The following SHROOM2 variants were observed in gnomAD, a reference collection of about 807,000 sequenced individuals.
The protein encoded by SHROOM2 is shroom family member 2, also known as protein Shroom2.
A neutral mutation model predicts 75.9 loss-of-function variants in SHROOM2; 33 were observed. That is an observed-to-expected ratio of 0.43 (90% CI 0.33 to 0.58). SHROOM2 has a LOEUF of 0.58. Among genes scored for constraint, SHROOM2 ranks in the 20% least tolerant of loss-of-function variants. The pLI, the probability that SHROOM2 is intolerant of heterozygous loss-of-function variation, is 0.04. For synonymous variants in SHROOM2, 655 were observed against 663.6 expected, an observed-to-expected ratio of 0.99 and a Z score of 0.20; for missense variants, 1,434 against 1,461.2, an observed-to-expected ratio of 0.98 and a Z score of 0.30.
rs145458840 is a variant in SHROOM2, at chrX:9,906,313, G to A, written c.2891+8023G>A. Among the ~76,000 whole-genome samples, 860 of 111,674 alleles carry A rather than the reference G, an allele frequency of 7.7e-3. 6 individuals are homozygous for A. Among genetic ancestry groups the A allele is most frequent in the African/African-American group, 0.027 (817 of 30,709 alleles). ...AGTGAGGGAGAGACTGTTCATGGGCGTGGGGTTTCTTTCTGGAGTAATGAA... is the reference window on the plus strand; with the variant it reads ...AGTGAGGGAGAGACTGTTCATGGGCATGGGGTTTCTTTCTGGAGTAATGAA... On this transcript the variant is annotated intron_variant, in intron 5 of 9. Coordinates refer to ENST00000380913, the MANE Select transcript of SHROOM2 (RefSeq NM_001649.4).
intron 1 of SHROOM2, among the ~76,000 whole-genome samples, chrX:9,799,442 A>T (rs1213439900): frequency 1.8e-5 from 2 of 111,115 alleles, no homozygotes; most frequent in African/African-American, 6.6e-5. Context: ...CTGGGATTAC[A>T]GGTGTGAGCC....
intron 1 of SHROOM2, among the ~76,000 whole-genome samples, chrX:9,806,149 C>G (rs2083750397): frequency 9.1e-6 from 1 of 110,171 alleles, no homozygotes; most frequent in Admixed American, 9.8e-5. Flanking sequence ...TTTTGAGCCT[C>G]CTAGCCTGTG....
chrX:9,881,920 G>A (rs981676034), intron 2 of SHROOM2, among the ~76,000 whole-genome samples: 2 of 112,092 alleles, frequency 1.8e-5, no homozygotes, highest in East Asian at 5.5e-4. Flanking sequence ...GAGTAACCAT[G>A]GGCTCTGGGA....
intron 5 of SHROOM2, among the ~76,000 whole-genome samples, chrX:9,915,212 G>C (rs1185970332): frequency 9.0e-6 from 1 of 111,584 alleles, no homozygotes; most frequent in Non-Finnish European, 1.9e-5. Context: ...TCCAGCTGTA[G>C]TCATTTTTGG....
chrX:9,849,561 T>C (rs1266332303), intron 1 of SHROOM2, among the ~76,000 whole-genome samples: 1 of 111,396 alleles, frequency 9.0e-6, no homozygotes, highest in Admixed American at 9.5e-5. Context: ...TCCATCCCTC[T>C]GGGGTGATGG....
intron 3 of SHROOM2, among the ~76,000 whole-genome samples, chrX:9,892,428 ACAAAAAGC>A (rs2084299653): frequency 9.0e-6 from 1 of 111,013 alleles, no homozygotes; most frequent in Non-Finnish European, 1.9e-5. Flanking sequence ...ACACAAAAAA[ACAAAAAGC>A]CACAGATTCT....
chrX:9,895,273 C>A lies in SHROOM2; in HGVS notation c.1365C>A (p.Asp455Glu). 1 of 1,182,700 alleles carries A rather than the reference C, an allele frequency of 8.5e-7. No individual in the cohort carries two copies. Among genetic ancestry groups the A allele is most frequent in the Non-Finnish European group, 1.1e-6 (1 of 880,544 alleles). Residue 455 changes from aspartate to glutamate, a missense_variant, in exon 4 of 10, where the codon GAC (aspartate) becomes GAA (glutamate). By Grantham distance (45) the Asp-to-Glu change is conservative (BLOSUM62 2). Coordinates refer to ENST00000380913, the MANE Select transcript of SHROOM2 (RefSeq NM_001649.4). ...QEPGAASFQN[D>E]SPPQVRGLSS... ...CAGGGGCTGCCAGCTTCCAGAACGACAGCCCTCCTCAGGTGAGGGGGCTCA... is the reference window on the plus strand; with the variant it reads ...CAGGGGCTGCCAGCTTCCAGAACGAAAGCCCTCCTCAGGTGAGGGGGCTCA...
intron 1 of SHROOM2, among the ~76,000 whole-genome samples, chrX:9,842,201 G>A (rs950132845): frequency 2.7e-5 from 3 of 112,037 alleles, no homozygotes; most frequent in Admixed American, 9.4e-5. Flanking sequence ...TTTAATACTC[G>A]TTAAGGCAAC....
At chrX:9,808,912 C>T (rs1360377476) in intron 1 of SHROOM2, among the ~76,000 whole-genome samples, 4 of 110,319 alleles carry the variant, frequency 3.6e-5, no homozygotes, top group Non-Finnish European at 5.7e-5. Flanking sequence ...TCACAAAATT[C>T]GCCATGTTAA....
intron 1 of SHROOM2, among the ~76,000 whole-genome samples, chrX:9,817,282 CTTTTTT>C (rs55943624): frequency 4.1e-5 from 4 of 98,733 alleles, no homozygotes; most frequent in Non-Finnish European, 8.1e-5. Flanking sequence ...CTCCCTCTAA[CTTTTTT>C]TTTTTTTTTC....
At chrX:9,828,830 C>T (rs2083901496) in intron 1 of SHROOM2, among the ~76,000 whole-genome samples, 1 of 111,716 alleles carries the variant, frequency 9.0e-6, no homozygotes, top group African/African-American at 3.3e-5. Context: ...AATGGCAAAG[C>T]AACGGTTATT....
intron 1 of SHROOM2, among the ~76,000 whole-genome samples, chrX:9,867,900 T>A (rs2084149345): frequency 9.0e-6 from 1 of 111,659 alleles, no homozygotes; most frequent in Middle Eastern, 4.6e-3. Context: ...GCTTTAGGAA[T>A]CCTTGCAGAT....
chrX:9,872,895 C>G (rs1026478179), intron 1 of SHROOM2, among the ~76,000 whole-genome samples: 10 of 112,224 alleles, frequency 8.9e-5, no homozygotes, highest in Non-Finnish European at 1.5e-4. Flanking sequence ...AAAGTAGACA[C>G]TGATGAATAG....
chrX:9,851,449 TTTTTTTTTTC>T (rs997107747), intron 1 of SHROOM2, among the ~76,000 whole-genome samples: 5 of 77,803 alleles, frequency 6.4e-5, no homozygotes, highest in Admixed American at 1.6e-4. Context: ...GATATTGCTT[TTTTTTTTTTC>T]TTTTTTTTTT....
At chrX:9,795,642 C>T (rs2083691211) in intron 1 of SHROOM2, among the ~76,000 whole-genome samples, 1 of 111,410 alleles carries the variant, frequency 9.0e-6, no homozygotes, top group African/African-American at 3.3e-5. Context: ...TTGCGTTCCC[C>T]AAAATGCTGT....
At chrX:9,834,779 A>G (rs1569145233) in intron 1 of SHROOM2, among the ~76,000 whole-genome samples, 1 of 111,858 alleles carries the variant, frequency 8.9e-6, no homozygotes, top group Non-Finnish European at 1.9e-5. Flanking sequence ...GGGTCAAGAG[A>G]TTCTCCCACT....
chrX:9,900,864 C>A (rs2084362194), intron 5 of SHROOM2, among the ~76,000 whole-genome samples: 1 of 110,068 alleles, frequency 9.1e-6, no homozygotes, highest in Admixed American at 9.7e-5. Flanking sequence ...CCCCCACTGC[C>A]ATCAGAGGCT....
chrX:9,822,984 A>T (rs68163430), intron 1 of SHROOM2, among the ~76,000 whole-genome samples: 45,805 of 89,247 alleles, frequency 0.51, 8,728 homozygotes, highest in Admixed American at 0.61. Context: ...TAAGAATAAT[A>T]ATTCTTCTTC....
chrX:9,894,783 C>T lies in SHROOM2; in HGVS notation c.875C>T (p.Ala292Val), dbSNP rs139545607. The stretch of plus-strand genomic sequence containing the variant: ...TACAATGCCGAGCCCAAGCTGGCTG[C>T]CCCTGGGAGGTCCAATTTTGGGCCA... ...PEYNAEPKLA[A>V]PGRSNFGPVW... The change falls in exon 4 of 10, where the codon GCC (alanine) becomes GTC (valine). Residue 292 changes from alanine (A) to valine (V), a missense_variant. This residue lies in a region of SHROOM2 where 1,340 missense variants were observed against 1,338.3 expected (regional missense o/e 1.00). Coordinates refer to ENST00000380913, the MANE Select transcript of SHROOM2 (RefSeq NM_001649.4). 3 of 1,211,798 alleles carry T rather than the reference C, an allele frequency of 2.5e-6. No individual in the cohort carries two copies. The highest frequency in any genetic ancestry group is 3.4e-6 in the Non-Finnish European group (3 of 895,435).
Sources: gnomAD v4.1 joint callset for allele counts (sites outside exome capture counted in the v4.1 genomes callset) on GRCh38, gnomAD v4.1.1 for gene constraint, gnomAD v4.1.1 regional missense constraint, MANE v1.5 for transcripts, NCBI Gene and HGNC (gene_info 2026-07-23, HGNC 2026-07-21) for gene names.